The following PACSIN1 variants were observed in gnomAD, a reference collection of about 807,000 sequenced individuals.
PACSIN1 encodes protein kinase C and casein kinase substrate in neurons protein 1.
A neutral mutation model predicts 59.5 loss-of-function variants in PACSIN1; 15 were observed. That is an observed-to-expected ratio of 0.25 (90% CI 0.17 to 0.39). The LOEUF is 0.39. PACSIN1 is among the 10% of genes least tolerant of loss of function. The pLI is 1.00. For synonymous variants in PACSIN1, 210 were observed against 220.6 expected (o/e 0.95, Z 0.42); for missense variants, 420 against 580.2 (o/e 0.72, Z 2.84).
chr6:34,528,912 T>TGGGGGCCGGGGGGGGGGGGGGGG, intron 4 of PACSIN1, 35 bp downstream of exon 4: 1 of 464,336 alleles, frequency 2.2e-6, no homozygotes, highest in Non-Finnish European at 4.2e-6. Context: ...CGGGGTGGGG[T>TGGGGGCCGGGGGGGGGGGGGGGG]GGGCCCGTCT....
At chr6:34,480,350 G>T (rs775506974) in intron 1 of PACSIN1, among the ~76,000 whole-genome samples, 1 of 147,868 alleles carries the variant, frequency 6.8e-6, no homozygotes. Flanking sequence ...TCAGCCTCTC[G>T]AGTGGCTGGG....
At chr6:34,485,127 G>A (rs1332607641) in intron 1 of PACSIN1, 1 of 152,180 alleles carries the variant, frequency 6.6e-6, no homozygotes, top group East Asian at 1.9e-4. Flanking sequence ...AAGGCACAGC[G>A]ATCCTGTTCT....
At chr6:34,483,457 G>A (rs1023621719) in intron 1 of PACSIN1, among the ~76,000 whole-genome samples, 5 of 152,072 alleles carry the variant, frequency 3.3e-5, no homozygotes, top group African/African-American at 1.2e-4. Flanking sequence ...GGCTTGCGCA[G>A]GGCCACGTAG....
chr6:34,501,074 G>A (rs1046599396), intron 1 of PACSIN1, among the ~76,000 whole-genome samples: 2 of 152,194 alleles, frequency 1.3e-5, no homozygotes, highest in Non-Finnish European at 2.9e-5. Context: ...CCTTCTCCCT[G>A]TCAGCAATAA....
At position 34,529,457 on chromosome 6, in the gene PACSIN1, C is replaced by A; in HGVS notation, c.517C>A (p.Arg173=). ...CAAAGAGGAAAAGCTGGCCATGACA[C>A]GGGAGATGAACAGCAAGACGGAGCA... ...ACKEEKLAMT[R]EMNSKTEQSV... is the part of the protein sequence containing the mutation. Residue 173 remains arginine (R), a synonymous_variant, in exon 5 of 10, where the codon CGG becomes AGG. Transcript: ENST00000244458. The surrounding 1 kb of genome is among the most constrained non-coding windows in gnomAD (Gnocchi z 6.3). The A allele has an allele frequency of 1.2e-6, 2 of 1,614,090 alleles. No individual in the cohort carries two copies. The highest frequency in any genetic ancestry group is 1.7e-6 in the Non-Finnish European group (2 of 1,180,044).
chr6:34,512,387 C>G (rs1767218254), intron 1 of PACSIN1, among the ~76,000 whole-genome samples: 1 of 152,062 alleles, frequency 6.6e-6, no homozygotes, highest in African/African-American at 2.4e-5. Flanking sequence ...TCTTTGGTAT[C>G]CTTGGATGGA....
chr6:34,483,039 T>G (rs1766743672), intron 1 of PACSIN1, among the ~76,000 whole-genome samples: 1 of 144,850 alleles, frequency 6.9e-6, no homozygotes, highest in Non-Finnish European at 1.5e-5. Flanking sequence ...GGTCTCACTC[T>G]TGGTGCCCAG....
chr6:34,478,859 T>C (rs537794979), intron 1 of PACSIN1, among the ~76,000 whole-genome samples: 7 of 152,178 alleles, frequency 4.6e-5, no homozygotes, highest in Non-Finnish European at 1.0e-4. Flanking sequence ...CTTATTTGGC[T>C]CACAATTCTG....
rs776021538 is a variant in PACSIN1, at chr6:34,530,223, C to T, written c.789-20C>T. 4.4e-5 allele frequency: 70 copies of T among 1,598,582 alleles called. No individual in the cohort carries two copies. Among genetic ancestry groups the T allele is most frequent in the Non-Finnish European group, 5.9e-5 (69 of 1,169,202 alleles). On this transcript the variant is annotated intron_variant, in intron 6 of 9. Transcript: ENST00000244458. The surrounding 1 kb of genome is among the most constrained non-coding windows in gnomAD (Gnocchi z 4.4). ...ATGTTGAATCTGTGCCCTCCACCTCCCCCATCTCCCTGAGCACAGCTACAT... is the reference window on the plus strand; with the variant it reads ...ATGTTGAATCTGTGCCCTCCACCTCTCCCATCTCCCTGAGCACAGCTACAT...
chr6:34,491,859 G>A (rs1001772267), intron 1 of PACSIN1, among the ~76,000 whole-genome samples: 34 of 151,936 alleles, frequency 2.2e-4, no homozygotes, highest in African/African-American at 8.0e-4. Flanking sequence ...TGATCCACCC[G>A]CCTCAGCCTC....
rs1304132578 is a variant in PACSIN1, at chr6:34,515,453, T to A, written c.-63-10790T>A. Among the ~76,000 whole-genome samples, 1 of 152,042 alleles carries A rather than the reference T, an allele frequency of 6.6e-6. No homozygotes were observed. The highest frequency in any genetic ancestry group is 6.5e-5 in the Admixed American group (1 of 15,284). ...GGCAGAGGGCAGGGAGGAGTAAGGA[T>A]GCCCCTGCCCCACTCAAGGCACTGC... On this transcript the variant is annotated intron_variant, in intron 1 of 9. Coordinates refer to ENST00000244458, the MANE Select transcript of PACSIN1 (RefSeq NM_020804.5). This position sits in a 1 kb window ranked among gnomAD's most constrained non-coding sequence, Gnocchi z 4.4.
At position 34,530,182 on chromosome 6, in the gene PACSIN1, A is replaced by G. The variant is rs1312145601; in HGVS notation, c.789-61A>G. ...CTGAGTGGACTCTGGCCTCTCACCA[A>G]GGTTGAGGAGGGGCCATGTTGAATC... On this transcript the variant is annotated intron_variant, in intron 6 of 9. Coordinates refer to ENST00000244458, the MANE Select transcript of PACSIN1 (RefSeq NM_020804.5). The surrounding 1 kb of genome is among the most constrained non-coding windows in gnomAD (Gnocchi z 4.4). 6.5e-7 allele frequency: 1 copy of G among 1,547,536 alleles called. No individual in the cohort carries two copies. The highest frequency in any genetic ancestry group is 2.3e-5 in the East Asian group (1 of 43,732).
chr6:34,500,936 A>G (rs1767014410), intron 1 of PACSIN1, among the ~76,000 whole-genome samples: 1 of 152,196 alleles, frequency 6.6e-6, no homozygotes, highest in Non-Finnish European at 1.5e-5. Flanking sequence ...GCTAGCTTCA[A>G]CCTTTTCTTC....
At position 34,530,013 on chromosome 6, in the gene PACSIN1, A is replaced by G. The variant is rs527441001; in HGVS notation, c.788+172A>G. ...GGCTGTTGAGTGCAAGCTGACGCACACTGGGTACTCTAGAAACACATGCTG... is the reference window on the plus strand; with the variant it reads ...GGCTGTTGAGTGCAAGCTGACGCACGCTGGGTACTCTAGAAACACATGCTG... On this transcript the variant is annotated intron_variant, in intron 6 of 9. Transcript: ENST00000244458. This position sits in a 1 kb window ranked among gnomAD's most constrained non-coding sequence, Gnocchi z 4.4. 4.6e-5 allele frequency among the ~76,000 whole-genome samples: 7 copies of G among 152,300 alleles called. No homozygotes were observed. Among genetic ancestry groups the G allele is most frequent in the African/African-American group, 1.7e-4 (7 of 41,556 alleles).
At chr6:34,498,792 G>T (rs1766983161) in intron 1 of PACSIN1, among the ~76,000 whole-genome samples, 1 of 94,476 alleles carries the variant, frequency 1.1e-5, no homozygotes, top group Non-Finnish European at 2.0e-5. Flanking sequence ...GCAAGACTTT[G>T]TCTCAAAAAA....
At chr6:34,500,730 A>G (rs1767012169) in intron 1 of PACSIN1, among the ~76,000 whole-genome samples, 1 of 152,234 alleles carries the variant, frequency 6.6e-6, no homozygotes. Flanking sequence ...TGAAAGTCCA[A>G]GATGGCATCT....
rs1767622460 is a variant in PACSIN1 at position 34,532,636 on chromosome 6, C to T, written c.*106C>T. The T allele has an allele frequency of 1.5e-6, 1 of 679,666 alleles. No individual in the cohort carries two copies. The highest frequency in any genetic ancestry group is 1.8e-5 in the African/African-American group (1 of 54,928). The allele number at this position is 679,666 out of a possible 1,614,324, so 42.1% of individuals were successfully genotyped here. On this transcript the variant is annotated 3_prime_UTR_variant, in exon 10 of 10. Coordinates refer to ENST00000244458, the MANE Select transcript of PACSIN1 (RefSeq NM_020804.5). The surrounding 1 kb of genome is among the most constrained non-coding windows in gnomAD (Gnocchi z 5.2). Reference sequence around the variant, plus strand: ...TAGAGTTCCAGACATATTTTCCGATCAAGCTTTTATTTTTTTAAAAGTCAA... The same window carrying T: ...TAGAGTTCCAGACATATTTTCCGATTAAGCTTTTATTTTTTTAAAAGTCAA...
At chr6:34,499,132 AG>A in intron 1 of PACSIN1, among the ~76,000 whole-genome samples, 2 of 152,202 alleles carry the variant, frequency 1.3e-5, no homozygotes, top group Non-Finnish European at 2.9e-5. Context: ...ACAACTAGAC[AG>A]TCCCATCTGG....
Position 34,529,347 on chromosome 6 carries a change from G to A in PACSIN1, c.457-50G>A. The A allele has an allele frequency of 6.3e-7, 1 of 1,582,492 alleles. No individual in the cohort carries two copies. The highest frequency in any genetic ancestry group is 8.7e-7 in the Non-Finnish European group (1 of 1,152,642). On this transcript the variant is annotated intron_variant, in intron 4 of 9. Coordinates refer to ENST00000244458, the MANE Select transcript of PACSIN1 (RefSeq NM_020804.5). The surrounding 1 kb of genome is among the most constrained non-coding windows in gnomAD (Gnocchi z 6.3). The stretch of plus-strand genomic sequence containing the variant: ...GAGGAGTTAATGGGTGACCATGTTT[G>A]CTGCTGGTCACAAATGAAAACCCTA...
Sources: gnomAD v4.1 joint callset for allele counts (sites outside exome capture counted in the v4.1 genomes callset) on GRCh38, gnomAD v4.1.1 for gene constraint, Gnocchi (gnomAD v3.1) non-coding constraint, MANE v1.5 for transcripts, NCBI Gene and HGNC (gene_info 2026-07-23, HGNC 2026-07-21) for gene names.